The following CHD2 variants were observed in gnomAD, a reference collection of about 807,000 sequenced individuals.
The protein encoded by CHD2 is ATP-dependent chromatin remodeler CHD2.
In CHD2, 28 loss-of-function variants were observed where a neutral mutation model predicts 243.9. The observed-to-expected ratio is 0.11, with a 90% CI of 0.09 to 0.16. The LOEUF (loss-of-function observed/expected upper bound fraction) is 0.16, where lower values mean the gene tolerates loss of function less well. Among genes scored for constraint, CHD2 ranks in the 10% least tolerant of loss-of-function variants. CHD2 has a pLI of 1.00. For synonymous variants in CHD2, 775 were observed against 779.0 expected (o/e 0.99, Z 0.09); for missense variants, 1,386 against 2,209.8 (o/e 0.63, Z 7.47).
In CHD2 at chr15:92,946,018, AT is replaced by A. The variant is rs750508601; in HGVS notation, c.1199-12del. 32 of 1,542,702 alleles carry A rather than the reference AT, an allele frequency of 2.1e-5. No homozygotes were observed. In the Admixed American group the frequency reaches 3.5e-4, roughly 17 times the overall value. On this transcript the variant is annotated intron_variant, in intron 11 of 38. Coordinates refer to ENST00000394196, the MANE Select transcript of CHD2 (RefSeq NM_001271.4). ...TTAATTGACAGTTGCTAATCTATAA[AT>A]TTTTTTTATATGAAATAGCTCATAG...
intron 36 of CHD2, among the ~76,000 whole-genome samples, chr15:93,013,653 G>A (rs2054420074): frequency 6.6e-6 from 1 of 152,182 alleles, no homozygotes; most frequent in Admixed American, 6.5e-5. Flanking sequence ...CATTCAATGT[G>A]GCTAGGCGCG....
rs1411927771 is a variant in CHD2, at chr15:92,907,835, A to G, written c.62+6536A>G. On this transcript the variant is annotated intron_variant, in intron 2 of 38. Transcript: ENST00000394196. Reference sequence around the variant, plus strand: ...TTCTTGCACCCCTCCTTCATATCCTAAGTTCTTCTTCAGGAGCTAGGTTGG... The same window carrying G: ...TTCTTGCACCCCTCCTTCATATCCTGAGTTCTTCTTCAGGAGCTAGGTTGG... 2.6e-5 allele frequency among the ~76,000 whole-genome samples: 4 copies of G among 151,908 alleles called. No homozygotes were observed. In the East Asian group the frequency reaches 7.7e-4, roughly 29 times the overall value.
rs113184542 is a variant in CHD2, at chr15:92,940,340, A to G, written c.692+622A>G. Reference sequence around the variant, plus strand: ...GGTGGCGGCATGCACCTGCAGTCCCAGCTACTTGGGAGGCTGAGGTGGGAG... The same window carrying G: ...GGTGGCGGCATGCACCTGCAGTCCCGGCTACTTGGGAGGCTGAGGTGGGAG... On this transcript the variant is annotated intron_variant, in intron 7 of 38. Transcript: ENST00000394196. Among the ~76,000 whole-genome samples, 439 of 152,244 alleles carry G rather than the reference A, an allele frequency of 2.9e-3. 2 individuals carry two copies. The highest frequency in any genetic ancestry group is 9.9e-3 in the African/African-American group (413 of 41,548).
Position 92,974,916 on chromosome 15 carries a change from A to T in CHD2, c.2543A>T (p.Gln848Leu). 1 of 1,613,824 alleles carries T rather than the reference A, an allele frequency of 6.2e-7. No homozygotes were observed. The highest frequency in any genetic ancestry group is 8.5e-7 in the Non-Finnish European group (1 of 1,179,728). ...TCCATCAAGGGAGAAATCCGAAAAC[A>T]GGCACTGGACCACTTCAATGCAGAT... Reference protein sequence around the residue: ...DGSIKGEIRKQALDHFNADGS... With the variant: ...DGSIKGEIRKLALDHFNADGS... Residue 848 changes from glutamine to leucine, a missense_variant, in exon 20 of 39, where the codon CAG becomes CTG. Transcript: ENST00000394196.
rs2053431034 is a variant in CHD2, at chr15:92,944,454, T to C, written c.1092T>C (p.Asn364=). Residue 364 remains asparagine, a synonymous_variant, in exon 10 of 39, where the codon AAT becomes AAC. Coordinates refer to ENST00000394196, the MANE Select transcript of CHD2 (RefSeq NM_001271.4). ...KVSPEDVEYF[N]CQQELASELN... ...CTCCTGAAGATGTAGAATATTTCAA[T>C]TGCCAACAGGAGCTGGCTTCAGAGT... The C allele has an allele frequency of 6.2e-7, 1 of 1,610,918 alleles. No homozygotes were observed. Among genetic ancestry groups the C allele is most frequent in the Non-Finnish European group, 8.5e-7 (1 of 1,177,672 alleles).
At chr15:92,912,955 T>C (rs922303589) in intron 2 of CHD2, among the ~76,000 whole-genome samples, 11 of 152,200 alleles carry the variant, frequency 7.2e-5, no homozygotes, top group African/African-American at 2.7e-4. Context: ...AAAGCAGTAA[T>C]GGATCAAACT....
At position 92,917,871 on chromosome 15, in the gene CHD2, G is replaced by T. The variant is rs537879156; in HGVS notation, c.63-6450G>T. Reference sequence around the variant, plus strand: ...TTTGACATATGCCTGACACAAAAGTGCTCCGTAAATATTAGCTATTGTATC... The same window carrying T: ...TTTGACATATGCCTGACACAAAAGTTCTCCGTAAATATTAGCTATTGTATC... On this transcript the variant is annotated intron_variant, in intron 2 of 38. Coordinates refer to ENST00000394196, the MANE Select transcript of CHD2 (RefSeq NM_001271.4). Among the ~76,000 whole-genome samples, 10 of 152,302 alleles carry T rather than the reference G, an allele frequency of 6.6e-5. No individual in the cohort carries two copies. In the East Asian group the frequency reaches 1.9e-3, roughly 29 times the overall value.
chr15:92,951,614 A>C (rs1303009165), intron 13 of CHD2, among the ~76,000 whole-genome samples: 2 of 152,240 alleles, frequency 1.3e-5, no homozygotes, highest in Non-Finnish European at 2.9e-5. Flanking sequence ...AATCAATTCA[A>C]ACCTACTGTA....
At chr15:93,020,383 A>ATGATGAGAT in intron 38 of CHD2, 125 bp downstream of exon 38, 1 of 1,193,460 alleles carries the variant, frequency 8.4e-7, no homozygotes, top group Non-Finnish European at 1.2e-6. Context: ...TGCATGTGTC[A>ATGATGAGAT]GCCACAGCGA....
chr15:93,004,421 T>G, intron 33 of CHD2, 196 bp from the exon 34 acceptor site: 1 of 441,700 alleles, frequency 2.3e-6, no homozygotes, highest in Non-Finnish European at 3.9e-6. Flanking sequence ...GAGATGGAAA[T>G]GGGAATAATG....
chr15:92,942,831 A>C lies in CHD2; in HGVS notation c.827-12A>C, dbSNP rs759241973. 3.8e-6 allele frequency: 6 copies of C among 1,591,496 alleles called. No individual in the cohort carries two copies. The African/African-American group carries it at 8.1e-5, about 22-fold the overall frequency. On this transcript the variant is annotated splice_polypyrimidine_tract_variant and intron_variant, in intron 8 of 38. Coordinates refer to ENST00000394196, the MANE Select transcript of CHD2 (RefSeq NM_001271.4). ...ATATACTCTCTTTCAAGTGTACTTA[A>C]TCCTTTTGCAGCCACTGGAGCATCT...
chr15:92,971,935 GT>G lies in CHD2; in HGVS notation c.2352+10del, dbSNP rs1596419038. On this transcript the variant is annotated intron_variant, in intron 18 of 38. Transcript: ENST00000394196. Reference sequence around the variant, plus strand: ...GGACAGGAGATTCTTCTGGTAGGTAGTTCCTCATAATTACTTTCTCAAAAAA... The same window carrying G: ...GGACAGGAGATTCTTCTGGTAGGTAGTCCTCATAATTACTTTCTCAAAAAA... The G allele has an allele frequency of 6.3e-7, 1 of 1,599,860 alleles. No individual in the cohort carries two copies. The highest frequency in any genetic ancestry group is 8.5e-7 in the Non-Finnish European group (1 of 1,175,498).
intron 2 of CHD2, chr15:92,902,088 T>TAA (rs950545033): frequency 2.0e-5 from 8 of 397,240 alleles, no homozygotes; most frequent in Non-Finnish European, 3.6e-5. Flanking sequence ...TTTGTATGCT[T>TAA]AAGACATTGA....
chr15:92,925,044 A>C (rs2141747582), intron 3 of CHD2, among the ~76,000 whole-genome samples: 1 of 152,194 alleles, frequency 6.6e-6, no homozygotes, highest in Admixed American at 6.5e-5. Context: ...CAGGTGATCC[A>C]CCTGCCTCGG....
Position 92,972,329 on chromosome 15 carries a change from G to C in CHD2, c.2417G>C (p.Arg806Thr). 6.2e-7 allele frequency: 1 copy of C among 1,613,020 alleles called. No individual in the cohort carries two copies. The highest frequency in any genetic ancestry group is 8.5e-7 in the Non-Finnish European group (1 of 1,179,446). The change falls in exon 19 of 39, where the codon AGG becomes ACG. Residue 806 changes from arginine to threonine, a missense_variant. By Grantham distance (71) the Arg-to-Thr change is moderately conservative. Coordinates refer to ENST00000394196, the MANE Select transcript of CHD2 (RefSeq NM_001271.4). ...LDKLLTRLRE[R>T]GNRVLIFSQM... ...AAACTGTTGACAAGACTTCGAGAAA[G>C]GGGGAATCGAGTGCTTATCTTCTCT...
At chr15:92,938,245 A>G (rs533797131) in intron 6 of CHD2, among the ~76,000 whole-genome samples, 2 of 152,316 alleles carry the variant, frequency 1.3e-5, no homozygotes, top group East Asian at 1.9e-4. Context: ...TCTAATTTAC[A>G]GTTTAAGGAT....
At chr15:92,914,731 A>T (rs28458425) in intron 2 of CHD2, among the ~76,000 whole-genome samples, 34,931 of 152,122 alleles carry the variant, frequency 0.23, 4,627 homozygotes, top group East Asian at 0.59. Context: ...CAACATTTCA[A>T]CACATTGAGT....
At chr15:92,926,576 T>C (rs1449806473) in intron 3 of CHD2, among the ~76,000 whole-genome samples, 1 of 152,236 alleles carries the variant, frequency 6.6e-6, no homozygotes, top group Non-Finnish European at 1.5e-5. Context: ...TTTTAAACTT[T>C]TTAAATCACT....
intron 13 of CHD2, 147 bp from the exon 14 acceptor site, chr15:92,953,210 C>G: frequency 1.6e-6 from 1 of 641,470 alleles, no homozygotes; most frequent in Middle Eastern, 4.0e-4. Flanking sequence ...GAAGTAATTG[C>G]AGATGAGAAG....
Sources: gnomAD v4.1 joint callset for allele counts (sites outside exome capture counted in the v4.1 genomes callset) on GRCh38, gnomAD v4.1.1 for gene constraint, MANE v1.5 for transcripts, NCBI Gene and HGNC (gene_info 2026-07-23, HGNC 2026-07-21) for gene names.